Variants in NGLY1 observed in about 807,000 individuals in gnomAD.
The protein encoded by NGLY1 is peptide-N(4)-(N-acetyl-beta-glucosaminyl)asparagine amidase.
In NGLY1, 68 loss-of-function variants were observed where a neutral mutation model predicts 84.6. The observed-to-expected ratio is 0.80, with a 90% CI of 0.66 to 0.98. The LOEUF (loss-of-function observed/expected upper bound fraction) is 0.98. NGLY1 is among the 50% of genes least tolerant of loss of function. NGLY1 has a pLI of 0.00. For missense variants in NGLY1, 779 were observed against 770.2 expected, an observed-to-expected ratio of 1.01 and a Z score of -0.14; for synonymous variants, 280 against 275.2, an observed-to-expected ratio of 1.02 and a Z score of -0.17.
Position 25,737,351 on chromosome 3 carries a change from T to G in NGLY1, c.986A>C (p.Tyr329Ser), listed in dbSNP as rs753425724. 8.7e-6 allele frequency: 14 copies of G among 1,613,132 alleles called. No individual in the cohort carries two copies. The highest frequency in any genetic ancestry group is 1.2e-5 in the Non-Finnish European group (14 of 1,179,710). The stretch of plus-strand genomic sequence containing the variant: ...TTCTGTACCTGTGTAATCCCAAACA[T>G]AGCGAGCTTCAAACCCTACAGCTCG... ...CCRAVGFEAR[Y>S]VWDYTDHVWT... is the part of the protein sequence containing the mutation. The change falls in exon 6 of 12, where the codon TAT becomes TCT. Residue 329 changes from tyrosine (Y) to serine (S), a missense_variant. Transcript: ENST00000280700.
Position 25,737,468 on chromosome 3 carries a change from GA to G in NGLY1, c.882-14del, listed in dbSNP as rs762807225. 7.1e-6 allele frequency: 11 copies of G among 1,552,346 alleles called. No individual in the cohort carries two copies. Among genetic ancestry groups the G allele is most frequent in the Admixed American group, 2.0e-5 (1 of 51,086 alleles). Reference sequence around the variant, plus strand: ...AGGGTTATTATATCTGGTTTAAAAAGAAAAAAAACCTTAATTATCAAAATCA... The same window carrying G: ...AGGGTTATTATATCTGGTTTAAAAAGAAAAAAACCTTAATTATCAAAATCA... On this transcript the variant is annotated splice_polypyrimidine_tract_variant and intron_variant, in intron 5 of 11. Coordinates refer to ENST00000280700, the MANE Select transcript of NGLY1 (RefSeq NM_018297.4).
chr3:25,746,019 T>A (rs919502232), intron 4 of NGLY1, among the ~76,000 whole-genome samples: 15 of 152,232 alleles, frequency 9.9e-5, no homozygotes, highest in African/African-American at 3.6e-4. Flanking sequence ...TATGCTTTGT[T>A]TCATTTTACT....
chr3:25,741,128 A>G (rs918647117), intron 4 of NGLY1, among the ~76,000 whole-genome samples: 4 of 145,712 alleles, frequency 2.7e-5, no homozygotes, highest in African/African-American at 1.0e-4. Context: ...ACTCTGTCTC[A>G]TTAAAAAAAA....
At chr3:25,789,469 CA>C (rs779343196) in intron 1 of NGLY1, among the ~76,000 whole-genome samples, 92 of 152,294 alleles carry the variant, frequency 6.0e-4, no homozygotes, top group South Asian at 1.4e-3. Context: ...GGAAAGATCA[CA>C]ATCAGTATAC....
In NGLY1 at chr3:25,719,381, C is replaced by T; in HGVS notation, c.*79G>A. On this transcript the variant is annotated 3_prime_UTR_variant, in exon 12 of 12. Coordinates refer to ENST00000280700, the MANE Select transcript of NGLY1 (RefSeq NM_018297.4). ...TATGCTAGCACAGGGTGGTAACTGC[C>T]AACTAAGCATGCACTGAACCAACAG... 1 of 1,229,156 alleles carries T rather than the reference C, an allele frequency of 8.1e-7. No individual in the cohort carries two copies. Among genetic ancestry groups the T allele is most frequent in the South Asian group, 1.5e-5 (1 of 67,968 alleles). The allele number at this position is 1,229,156 out of a possible 1,614,324, so 76.1% of individuals were successfully genotyped here. A position where few individuals can be genotyped will look rare whatever the true frequency, so the allele number is the denominator to read the frequency against.
chr3:25,774,528 A>G (rs1461895110), intron 2 of NGLY1, among the ~76,000 whole-genome samples: 1 of 152,016 alleles, frequency 6.6e-6, no homozygotes, highest in Admixed American at 6.6e-5. Context: ...CAGGGGGATT[A>G]CAGCTATCTC....
At chr3:25,767,809 A>T (rs927219493) in intron 2 of NGLY1, among the ~76,000 whole-genome samples, 4 of 152,158 alleles carry the variant, frequency 2.6e-5, no homozygotes, top group Admixed American at 2.6e-4. Flanking sequence ...CATATACAAA[A>T]ATCAAATCAA....
Position 25,732,350 on chromosome 3 carries a change from C to T in NGLY1, c.1394G>A (p.Trp465Ter). Reference sequence around the variant, plus strand: ...ACCCATTTCACCTCGGGCTACTCTCCAAGCCACTGACCCAGATATTCTTCC... The same window carrying T: ...ACCCATTTCACCTCGGGCTACTCTCTAAGCCACTGACCCAGATATTCTTCC... Reference protein sequence around the residue: ...LGGRISGSVAWRVARGEMGLQ... With the variant: ...LGGRISGSVA Residue 465 changes from tryptophan to a stop codon, truncating the protein, a stop_gained, in exon 9 of 12, where the codon TGG becomes TAG. Transcript: ENST00000280700. LOFTEE classifies it high-confidence loss of function. The T allele has an allele frequency of 1.2e-6, 2 of 1,613,510 alleles. No individual in the cohort carries two copies. The highest frequency in any genetic ancestry group is 1.1e-5 in the South Asian group (1 of 91,050).
rs1043604336 is a variant in NGLY1 at position 25,732,441 on chromosome 3, G to A, written c.1303C>T (p.Gln435Ter). ...TCAACAAGCTCCACAATTATCCTCTGGAGAAGTTCTTTCCTTCTGTTTTCT... is the reference window on the plus strand; with the variant it reads ...TCAACAAGCTCCACAATTATCCTCTAGAGAAGTTCTTTCCTTCTGTTTTCT... ...LSENRRKELLQRIIVELVEFI... is the reference protein window; with the variant it reads ...LSENRRKELL The change falls in exon 9 of 12, where the codon CAG becomes TAG. Residue 435 changes from glutamine (Q) to a stop codon, truncating the protein, a stop_gained. Transcript: ENST00000280700. LOFTEE classifies it high-confidence loss of function. 3.1e-6 allele frequency: 5 copies of A among 1,613,396 alleles called. No homozygotes were observed. The highest frequency in any genetic ancestry group is 4.2e-6 in the Non-Finnish European group (5 of 1,179,636).
At position 25,764,453 on chromosome 3, in the gene NGLY1, G is replaced by A. The variant is rs182939534; in HGVS notation, c.247-142C>T. The A allele has an allele frequency of 4.2e-6, 4 of 941,434 alleles. No homozygotes were observed. In the Admixed American group the frequency reaches 8.9e-5, roughly 21 times the overall value. The allele number at this position is 941,434 out of a possible 1,614,324, so 58.3% of individuals were successfully genotyped here. On this transcript the variant is annotated intron_variant, in intron 2 of 11. Transcript: ENST00000280700. ...ATCATACTGTTTTCTTACCATTATG[G>A]TTCTTTTTAAATACAGCCTAAGGTA...
intron 3 of NGLY1, among the ~76,000 whole-genome samples, chr3:25,751,478 G>A (rs1167446068): frequency 6.6e-6 from 1 of 151,948 alleles, no homozygotes; most frequent in African/African-American, 2.4e-5. Flanking sequence ...TTTTCCTTTT[G>A]TATATACTAT....
intron 10 of NGLY1, among the ~76,000 whole-genome samples, chr3:25,726,065 C>T (rs774052353): frequency 1.3e-5 from 2 of 151,914 alleles, no homozygotes; most frequent in Non-Finnish European, 2.9e-5. Context: ...GCCATGCACC[C>T]GCCCCCTCAC....
chr3:25,723,361 A>G (rs1222264296), intron 10 of NGLY1, among the ~76,000 whole-genome samples: 1 of 152,254 alleles, frequency 6.6e-6, no homozygotes, highest in Non-Finnish European at 1.5e-5. Context: ...CAAACATACT[A>G]TGAGCAAAAT....
At chr3:25,732,080 A>G (rs1705566571) in intron 9 of NGLY1, among the ~76,000 whole-genome samples, 1 of 152,202 alleles carries the variant, frequency 6.6e-6, no homozygotes, top group Non-Finnish European at 1.5e-5. Context: ...ACACTGCACT[A>G]AAAATTTACA....
At chr3:25,732,522 G>A in intron 8 of NGLY1, 39 bp from the exon 9 acceptor site, 1 of 1,551,610 alleles carries the variant, frequency 6.4e-7, no homozygotes, top group East Asian at 2.2e-5. Flanking sequence ...TTAAGATTAG[G>A]GGAATGTATA....
In NGLY1 at chr3:25,751,270, G is replaced by C; in HGVS notation, c.493-7C>G. On this transcript the variant is annotated splice_region_variant and splice_polypyrimidine_tract_variant and intron_variant, in intron 3 of 11. Coordinates refer to ENST00000280700, the MANE Select transcript of NGLY1 (RefSeq NM_018297.4). Reference sequence around the variant, plus strand: ...TGGCTGAGTCAGCAGCAACCTAATAGGAAAAAAAAAAACTGAAATTAACTT... The same window carrying C: ...TGGCTGAGTCAGCAGCAACCTAATACGAAAAAAAAAAACTGAAATTAACTT... 5.4e-6 allele frequency: 8 copies of C among 1,468,590 alleles called. No individual in the cohort carries two copies. Among genetic ancestry groups the C allele is most frequent in the Non-Finnish European group, 7.2e-6 (8 of 1,109,856 alleles). 91.0% of individuals were successfully genotyped at this position (1,468,590 alleles called of 1,614,324 possible).
At chr3:25,780,576 C>T (rs1460033157) in intron 1 of NGLY1, among the ~76,000 whole-genome samples, 2 of 152,178 alleles carry the variant, frequency 1.3e-5, no homozygotes, top group Admixed American at 6.5e-5. Flanking sequence ...CCTGCTTTCA[C>T]AATTGTTTAA....
At chr3:25,749,611 TGAC>T (rs1352166894) in intron 4 of NGLY1, 3 of 1,461,198 alleles carry the variant, frequency 2.1e-6, no homozygotes, top group Admixed American at 3.3e-5. Context: ...CCAGAGGTAT[TGAC>T]GACAGGGTTC....
At chr3:25,737,230 C>A in intron 6 of NGLY1, 104 bp downstream of exon 6, 4 of 976,868 alleles carry the variant, frequency 4.1e-6, no homozygotes, top group South Asian at 1.9e-5. Context: ...GAAGGTCAGA[C>A]TGACAAGGCC....
Sources: gnomAD v4.1 joint callset for allele counts (sites outside exome capture counted in the v4.1 genomes callset) on GRCh38, gnomAD v4.1.1 for gene constraint, MANE v1.5 for transcripts, NCBI Gene and HGNC (gene_info 2026-07-23, HGNC 2026-07-21) for gene names.